Variants in HS6ST2 observed in about 807,000 individuals in gnomAD.
HS6ST2 encodes the protein heparan-sulfate 6-O-sulfotransferase 2.
In HS6ST2, 17 loss-of-function variants were observed where a neutral mutation model predicts 33.0. That is an observed-to-expected ratio of 0.52 (90% confidence interval 0.35 to 0.77). HS6ST2 has a LOEUF of 0.77. HS6ST2 is among the 30% of genes least tolerant of loss of function. The pLI is 0.01. For missense variants in HS6ST2, 519 were observed against 551.7 expected, an observed-to-expected ratio of 0.94 and a Z score of 0.59; for synonymous variants, 248 against 237.1, an observed-to-expected ratio of 1.05 and a Z score of -0.42.
chrX:132,734,510 G>A (rs150067803), intron 2 of HS6ST2, among the ~76,000 whole-genome samples: 69 of 111,974 alleles, frequency 6.2e-4, no homozygotes, highest in African/African-American at 2.1e-3. Flanking sequence ...CTAGGTGAGA[G>A]AGCCAAGTCA....
intron 2 of HS6ST2, among the ~76,000 whole-genome samples, chrX:132,846,354 TTAG>T (rs1446329454): frequency 1.8e-5 from 2 of 112,482 alleles, no homozygotes; most frequent in African/African-American, 6.5e-5. Context: ...CAGAACTCTC[TTAG>T]TAGGACCCTT....
intron 3 of HS6ST2, among the ~76,000 whole-genome samples, chrX:132,670,847 A>G (rs2063867568): frequency 8.9e-6 from 1 of 112,158 alleles, no homozygotes; most frequent in African/African-American, 3.2e-5. Context: ...TCTAGGGGGT[A>G]TGAAAAGCAG....
At chrX:132,821,185 A>G (rs1303572402) in intron 2 of HS6ST2, among the ~76,000 whole-genome samples, 1 of 104,635 alleles carries the variant, frequency 9.6e-6, no homozygotes, top group Non-Finnish European at 2.0e-5. Flanking sequence ...TAATGAAATC[A>G]TAGTTCCTGC....
chrX:132,874,262 T>C (rs924843841), intron 2 of HS6ST2, among the ~76,000 whole-genome samples: 2 of 112,554 alleles, frequency 1.8e-5, no homozygotes, highest in Non-Finnish European at 3.8e-5. Flanking sequence ...CACAACCAAC[T>C]ATGCAACTTT....
chrX:132,796,787 C>A (rs982316656), intron 2 of HS6ST2, among the ~76,000 whole-genome samples: 7 of 112,241 alleles, frequency 6.2e-5, no homozygotes, highest in African/African-American at 2.3e-4. Flanking sequence ...GGCAACAGAG[C>A]AGTTAAAGTC....
chrX:132,665,205 C>T (rs1179724668), intron 4 of HS6ST2, among the ~76,000 whole-genome samples: 1 of 112,065 alleles, frequency 8.9e-6, no homozygotes, highest in Non-Finnish European at 1.9e-5. Flanking sequence ...CAGTAGCTGG[C>T]AGAGCCCACA....
intron 2 of HS6ST2, among the ~76,000 whole-genome samples, chrX:132,826,224 CAG>C (rs1206913513): frequency 8.9e-6 from 1 of 112,480 alleles, no homozygotes; most frequent in Non-Finnish European, 1.9e-5. Flanking sequence ...AATAAACATA[CAG>C]AGTCATTTTT....
chrX:132,865,112 T>G (rs1432290392), intron 2 of HS6ST2, among the ~76,000 whole-genome samples: 1 of 101,486 alleles, frequency 9.9e-6, no homozygotes, highest in African/African-American at 3.6e-5. Context: ...TATCTCCCAA[T>G]GCTATCCCTC....
At chrX:132,743,199 C>G (rs1241823109) in intron 2 of HS6ST2, among the ~76,000 whole-genome samples, 3 of 112,598 alleles carry the variant, frequency 2.7e-5, no homozygotes, top group South Asian at 3.7e-4. Context: ...AAGCTGCAAT[C>G]CAAGGTTTTA....
intron 2 of HS6ST2, among the ~76,000 whole-genome samples, chrX:132,895,657 T>G (rs1205398481): frequency 9.0e-6 from 1 of 111,667 alleles, no homozygotes; most frequent in Non-Finnish European, 1.9e-5. Flanking sequence ...TGTACTAGGT[T>G]ATGATAATGT....
At chrX:132,752,327 C>G (rs1266994259) in intron 2 of HS6ST2, among the ~76,000 whole-genome samples, 2 of 110,074 alleles carry the variant, frequency 1.8e-5, no homozygotes, top group Non-Finnish European at 3.8e-5. Context: ...CAAAATTTAG[C>G]CGGGTGTGGT....
intron 2 of HS6ST2, among the ~76,000 whole-genome samples, chrX:132,800,385 C>T (rs1251455305): frequency 9.0e-6 from 1 of 111,552 alleles, no homozygotes; most frequent in Non-Finnish European, 1.9e-5. Context: ...CCCACTGATT[C>T]CACATTATAG....
chrX:132,656,786 G>A lies in HS6ST2; in HGVS notation c.1067+12327C>T, dbSNP rs192100465. Among the ~76,000 whole-genome samples the A allele has an allele frequency of 8.9e-5, 10 of 112,112 alleles. No individual in the cohort carries two copies. The East Asian group carries it at 1.7e-3, about 19-fold the overall frequency. On this transcript the variant is annotated intron_variant, in intron 4 of 4. Transcript: ENST00000370833. Reference sequence around the variant, plus strand: ...ATTAAAATGGAGTCACTCAGGAAGAGGTAGAGTGAGGGCCTGGAGCCCCAT... The same window carrying A: ...ATTAAAATGGAGTCACTCAGGAAGAAGTAGAGTGAGGGCCTGGAGCCCCAT...
intron 2 of HS6ST2, among the ~76,000 whole-genome samples, chrX:132,943,552 C>CA (rs1366960794): frequency 1.1e-4 from 12 of 108,008 alleles, no homozygotes; most frequent in Admixed American, 9.9e-4. Flanking sequence ...CAGAGACACA[C>CA]AAAAAAAGCG....
intron 2 of HS6ST2, among the ~76,000 whole-genome samples, chrX:132,926,580 C>T (rs750576832): frequency 1.8e-5 from 2 of 112,443 alleles, no homozygotes; most frequent in East Asian, 2.8e-4. Context: ...TTCCTTTTAA[C>T]ATATTTTGAA....
intron 3 of HS6ST2, among the ~76,000 whole-genome samples, chrX:132,705,372 T>C (rs1602594032): frequency 9.0e-6 from 1 of 111,660 alleles, no homozygotes; most frequent in Non-Finnish European, 1.9e-5. Context: ...GGCCATTGAA[T>C]TGTGAAACAT....
At chrX:132,755,085 CCTT>C (rs965985940) in intron 2 of HS6ST2, among the ~76,000 whole-genome samples, 6 of 109,388 alleles carry the variant, frequency 5.5e-5, no homozygotes, top group African/African-American at 2.0e-4. Context: ...CACTCCACCT[CCTT>C]GAGGGCAGAG....
intron 2 of HS6ST2, among the ~76,000 whole-genome samples, chrX:132,928,910 T>C (rs747504304): frequency 8.9e-6 from 1 of 111,807 alleles, no homozygotes; most frequent in Admixed American, 9.5e-5. Flanking sequence ...AACCAGTTTA[T>C]AGTCAATTTT....
intron 2 of HS6ST2, among the ~76,000 whole-genome samples, chrX:132,819,376 C>T: frequency 9.0e-6 from 1 of 111,269 alleles, no homozygotes; most frequent in Non-Finnish European, 1.9e-5. Context: ...ACTTGCAAAA[C>T]CTGGGATTCA....
Sources: gnomAD v4.1 joint callset for allele counts (sites outside exome capture counted in the v4.1 genomes callset) on GRCh38, gnomAD v4.1.1 for gene constraint, MANE v1.5 for transcripts, NCBI Gene and HGNC (gene_info 2026-07-23, HGNC 2026-07-21) for gene names.